ADGRB3: variants seen among roughly 807,000 people sequenced by gnomAD.
ADGRB3 encodes adhesion G protein-coupled receptor B3.
A neutral mutation model predicts 193.4 loss-of-function variants in ADGRB3; 37 were observed. The ratio of observed to expected loss-of-function variants is 0.19; its 90% CI spans 0.15 to 0.25. The LOEUF (loss-of-function observed/expected upper bound fraction) is 0.25, where lower values mean the gene tolerates loss of function less well. Ranked by LOEUF, ADGRB3 falls within the 10% of genes least tolerant of loss-of-function variation. ADGRB3 has a pLI of 1.00. For missense variants in ADGRB3, 1,637 were observed against 1,852.9 expected (o/e 0.88, Z 2.14); for synonymous variants, 690 against 644.2 (o/e 1.07, Z -1.08).
intron 30 of ADGRB3, among the ~76,000 whole-genome samples, chr6:69,380,705 A>T (rs780444061): frequency 2.6e-5 from 4 of 151,988 alleles, no homozygotes; most frequent in Non-Finnish European, 4.4e-5. Flanking sequence ...TATCACTTTC[A>T]TAGCAGTACC....
At chr6:68,706,141 AG>A (rs2127312556) in intron 3 of ADGRB3, among the ~76,000 whole-genome samples, 1 of 152,252 alleles carries the variant, frequency 6.6e-6, no homozygotes, top group African/African-American at 2.4e-5. Flanking sequence ...AGGAGGCTTG[AG>A]TAGAGTTTGG....
chr6:68,659,453 CTTAT>C (rs1448457206), intron 3 of ADGRB3, among the ~76,000 whole-genome samples: 1 of 149,350 alleles, frequency 6.7e-6, no homozygotes. Context: ...TCCTTTTTTT[CTTAT>C]TTATTTTGTT....
At chr6:68,653,729 T>C (rs1264081904) in intron 3 of ADGRB3, among the ~76,000 whole-genome samples, 1 of 152,068 alleles carries the variant, frequency 6.6e-6, no homozygotes, top group Admixed American at 6.6e-5. Flanking sequence ...TGTTGAACCA[T>C]GATTGTTACA....
chr6:69,095,429 C>A (rs900499038), intron 17 of ADGRB3, among the ~76,000 whole-genome samples: 9 of 151,916 alleles, frequency 5.9e-5, no homozygotes, highest in Admixed American at 5.2e-4. Flanking sequence ...CTGGCAGTGG[C>A]TTATATGTGG....
chr6:68,972,444 C>T (rs374138168), intron 8 of ADGRB3, among the ~76,000 whole-genome samples: 1 of 152,078 alleles, frequency 6.6e-6, no homozygotes, highest in Non-Finnish European at 1.5e-5. Context: ...GAGCACCTGG[C>T]AAAATGACTC....
intron 3 of ADGRB3, among the ~76,000 whole-genome samples, chr6:68,885,156 T>A (rs1423542725): frequency 6.6e-6 from 1 of 152,188 alleles, no homozygotes; most frequent in African/African-American, 2.4e-5. Context: ...TTTGGGGATC[T>A]TATAAAACTG....
At chr6:69,014,884 C>T (rs967847672) in intron 12 of ADGRB3, among the ~76,000 whole-genome samples, 1 of 151,490 alleles carries the variant, frequency 6.6e-6, no homozygotes, top group African/African-American at 2.4e-5. Context: ...TCGGGTTTTC[C>T]CTTTATAATC....
chr6:69,131,938 C>T (rs926663066), intron 17 of ADGRB3, among the ~76,000 whole-genome samples: 45 of 152,036 alleles, frequency 3.0e-4, no homozygotes, highest in Admixed American at 2.9e-3. Flanking sequence ...CATCCATGTC[C>T]CTGCAAAGGA....
intron 14 of ADGRB3, 138 bp from the exon 15 acceptor site, chr6:69,049,133 A>G: frequency 3.3e-6 from 2 of 601,364 alleles, no homozygotes; most frequent in South Asian, 4.1e-5. Flanking sequence ...GTGCATGGTT[A>G]GGAATGCATT....
intron 17 of ADGRB3, among the ~76,000 whole-genome samples, chr6:69,172,511 G>C (rs1775298022): frequency 6.6e-6 from 1 of 151,538 alleles, no homozygotes; most frequent in Admixed American, 6.6e-5. Context: ...AGGCATGGTG[G>C]CGGGTGCCTG....
At chr6:68,961,839 A>G (rs934102058) in intron 8 of ADGRB3, among the ~76,000 whole-genome samples, 3 of 152,198 alleles carry the variant, frequency 2.0e-5, no homozygotes, top group African/African-American at 7.2e-5. Context: ...TGGAATTTAT[A>G]TTATTTAATT....
intron 13 of ADGRB3, among the ~76,000 whole-genome samples, chr6:69,042,103 C>G (rs1027686372): frequency 6.6e-6 from 1 of 152,166 alleles, no homozygotes; most frequent in African/African-American, 2.4e-5. Flanking sequence ...TCCCCATTCA[C>G]TGGGCATTCA....
chr6:68,703,694 C>T (rs899461407), intron 3 of ADGRB3, among the ~76,000 whole-genome samples: 6 of 152,212 alleles, frequency 3.9e-5, no homozygotes, highest in Admixed American at 3.3e-4. Flanking sequence ...GCAATCTCAG[C>T]TCACTGCAAC....
intron 17 of ADGRB3, among the ~76,000 whole-genome samples, chr6:69,229,744 C>T (rs1429016542): frequency 6.6e-6 from 1 of 152,140 alleles, no homozygotes; most frequent in African/African-American, 2.4e-5. Context: ...TAACTTTTCT[C>T]TTTAATTTTA....
intron 3 of ADGRB3, among the ~76,000 whole-genome samples, chr6:68,661,660 G>A (rs1768664576): frequency 6.7e-6 from 1 of 148,842 alleles, no homozygotes; most frequent in Admixed American, 6.8e-5. Flanking sequence ...TTTAAATAAA[G>A]CTAAATAAAT....
chr6:69,243,070 T>G (rs1766417873), intron 20 of ADGRB3, among the ~76,000 whole-genome samples: 1 of 151,922 alleles, frequency 6.6e-6, no homozygotes. Flanking sequence ...TTTATCATAT[T>G]GAAGATTTCA....
intron 13 of ADGRB3, among the ~76,000 whole-genome samples, chr6:69,044,040 C>CA: frequency 6.6e-6 from 1 of 151,648 alleles, no homozygotes; most frequent in Non-Finnish European, 1.5e-5. Context: ...GACTCCGTCT[C>CA]AAAAAAACAA....
chr6:69,050,082 G>A (rs1030303970), intron 15 of ADGRB3, among the ~76,000 whole-genome samples: 2 of 152,124 alleles, frequency 1.3e-5, no homozygotes, highest in Non-Finnish European at 2.9e-5. Flanking sequence ...AGTTAAATAC[G>A]ATCACAGTTG....
chr6:69,218,952 T>C (rs779471), intron 17 of ADGRB3, among the ~76,000 whole-genome samples: 36,673 of 152,032 alleles, frequency 0.24, 5,371 homozygotes, highest in African/African-American at 0.41. Flanking sequence ...TTTAGTAATA[T>C]AAAACTACTG....
Sources: gnomAD v4.1 joint callset for allele counts (sites outside exome capture counted in the v4.1 genomes callset) on GRCh38, gnomAD v4.1.1 for gene constraint, MANE v1.5 for transcripts, NCBI Gene and HGNC (gene_info 2026-07-23, HGNC 2026-07-21) for gene names.